Variants in RSF1 observed in about 807,000 individuals in gnomAD.
RSF1 encodes the protein remodeling and spacing factor 1.
Under a neutral mutation model 145.2 loss-of-function variants are expected in RSF1, and 13 were observed. That is an observed-to-expected ratio of 0.09 (90% CI 0.06 to 0.14). The LOEUF is 0.14. Among genes scored for constraint, RSF1 ranks in the 10% least tolerant of loss-of-function variants. RSF1 has a pLI of 1.00. For synonymous variants in RSF1, 577 were observed against 592.6 expected (o/e 0.97, Z 0.38); for missense variants, 1,517 against 1,718.2 (o/e 0.88, Z 2.07).
chr11:77,705,445 C>T lies in RSF1; in HGVS notation c.734-2950G>A, dbSNP rs12786719. 6.4e-3 allele frequency among the ~76,000 whole-genome samples: 982 copies of T among 152,304 alleles called. 1 individual carries two copies. The highest frequency in any genetic ancestry group is 0.012 in the Admixed American group (177 of 15,302). On this transcript the variant is annotated intron_variant, in intron 5 of 15. Transcript: ENST00000308488. ...GATCACTTATTATGTGCTTTCTCCA[C>T]CACCCCTAGCAGAATCACTCTGTAA...
At chr11:77,872,071 G>T in the RSF1 span, 5 of 1,266,928 alleles carry the variant, frequency 3.9e-6, no homozygotes, top group Non-Finnish European at 5.3e-6. Context: ...GTGAAGTGAC[G>T]ATTGTCACTG....
At chr11:77,823,108 G>C (rs1218369744), upstream of RSF1, among the ~76,000 whole-genome samples, 1 of 151,506 alleles carries the variant, frequency 6.6e-6, no homozygotes, top group Non-Finnish European at 1.5e-5. Flanking sequence ...ACAGCTACTC[G>C]GGAGGCTGAG....
chr11:77,871,825 G>A, the RSF1 span, among the ~76,000 whole-genome samples: 1 of 152,162 alleles, frequency 6.6e-6, no homozygotes, highest in Non-Finnish European at 1.5e-5. Flanking sequence ...AACCCTAGGT[G>A]TTAATGTCCC....
At chr11:77,775,172 C>T (rs565813186) in intron 1 of RSF1, among the ~76,000 whole-genome samples, 5 of 150,744 alleles carry the variant, frequency 3.3e-5, no homozygotes, top group East Asian at 2.0e-4. Context: ...CTCTTGAACC[C>T]GGGAGGCAGA....
intron 2 of RSF1, among the ~76,000 whole-genome samples, chr11:77,755,987 CAAAG>C (rs1948111902): frequency 6.6e-6 from 1 of 152,048 alleles, no homozygotes; most frequent in Admixed American, 6.6e-5. Flanking sequence ...GAAAGACATA[CAAAG>C]GTATTGTTTT....
rs1204225421 is a variant in RSF1 at position 77,664,868 on chromosome 11, G to GT, written c.*2048dup. ...CAGCCCTGCTTTACTGTCTGTGAAT[G>GT]TAAGCCCTTCCCTCCCTTCCAGTGG... On this transcript the variant is annotated 3_prime_UTR_variant, in exon 16 of 16. Transcript: ENST00000308488. 1.5e-4 allele frequency: 23 copies of GT among 152,352 alleles called. No individual in the cohort carries two copies. The allele number at this position is 152,352 out of a possible 1,614,324, so 9.4% of individuals were successfully genotyped here.
In RSF1 at chr11:77,757,783, A is replaced by AT. The variant is rs557244238; in HGVS notation, c.279+6814dup. 2.9e-3 allele frequency among the ~76,000 whole-genome samples: 437 copies of AT among 152,342 alleles called. 5 individuals are homozygous for AT. The highest frequency in any genetic ancestry group is 0.01 in the African/African-American group (420 of 41,580). On this transcript the variant is annotated intron_variant, in intron 2 of 15. Transcript: ENST00000308488. Reference sequence around the variant, plus strand: ...AGGAGAACAACTAAAGCCAGTTGTAATAATTCAAAGGAAAGGTAATGAAGC... The same window carrying AT: ...AGGAGAACAACTAAAGCCAGTTGTAATTAATTCAAAGGAAAGGTAATGAAGC...
chr11:77,819,825 C>A (rs57222975), intron 1 of RSF1, among the ~76,000 whole-genome samples: 26,801 of 151,840 alleles, frequency 0.18, 2,956 homozygotes, highest in African/African-American at 0.29. Flanking sequence ...CTCCTCTCCA[C>A]AGTGGAGCTG....
chr11:77,868,178 C>G, the RSF1 span, among the ~76,000 whole-genome samples: 2 of 151,290 alleles, frequency 1.3e-5, no homozygotes, highest in African/African-American at 2.4e-5. Context: ...GCCTCAGCCT[C>G]CCGAGTAGCT....
At chr11:77,863,877 TA>T in the RSF1 span, among the ~76,000 whole-genome samples, 4 of 152,172 alleles carry the variant, frequency 2.6e-5, no homozygotes, top group Non-Finnish European at 5.9e-5. Context: ...ATTAAAATTT[TA>T]AAGTCAGCAA....
rs373985727 is a variant in RSF1 at position 77,675,178 on chromosome 11, G to A, written c.3420C>T (p.Asp1140=). The change falls in exon 14 of 16, where the codon GAC becomes GAT. Residue 1140 remains aspartate, a synonymous_variant. Coordinates refer to ENST00000308488, the MANE Select transcript of RSF1 (RefSeq NM_016578.4). The part of the protein sequence containing the change: ...EEDPPSNDDS[D]TDFCSRRLRR... The stretch of plus-strand genomic sequence containing the variant: ...TCAGTCTACGGCTACAAAAGTCAGT[G>A]TCACTGTCATCATTAGATGGCGGAT... 9 of 1,613,984 alleles carry A rather than the reference G, an allele frequency of 5.6e-6. No homozygotes were observed. The African/African-American group carries it at 1.2e-4, about 22-fold the overall frequency.
At chr11:77,816,673 A>C (rs1436418887) in intron 1 of RSF1, among the ~76,000 whole-genome samples, 1 of 152,222 alleles carries the variant, frequency 6.6e-6, no homozygotes, top group African/African-American at 2.4e-5. Context: ...CCTCTTGAAA[A>C]GAAATATTCT....
At chr11:77,814,855 C>T (rs1031091888) in intron 1 of RSF1, among the ~76,000 whole-genome samples, 7 of 152,084 alleles carry the variant, frequency 4.6e-5, no homozygotes, top group African/African-American at 1.7e-4. Context: ...TATTGTGGTT[C>T]AATTGTTTAG....
chr11:77,685,226 G>A (rs1326869935), intron 9 of RSF1, 67 bp from the exon 10 acceptor site: 8 of 841,566 alleles, frequency 9.5e-6, no homozygotes, highest in East Asian at 2.7e-5. Flanking sequence ...TAAACATCAC[G>A]AATACACATA....
chr11:77,774,349 T>A (rs1272408537), intron 1 of RSF1, among the ~76,000 whole-genome samples: 2 of 152,074 alleles, frequency 1.3e-5, no homozygotes, highest in African/African-American at 4.8e-5. Flanking sequence ...ACGCCTGTAA[T>A]CCCAGCACTT....
intron 4 of RSF1, among the ~76,000 whole-genome samples, chr11:77,728,433 T>C (rs1961110370): frequency 6.6e-6 from 1 of 151,918 alleles, no homozygotes; most frequent in African/African-American, 2.4e-5. Flanking sequence ...CCCAGCACTT[T>C]GGAGGGCGAG....
rs1449348837 is a variant in RSF1, at chr11:77,725,683, C to A, written c.595G>T (p.Ala199Ser). Residue 199 changes from alanine (A) to serine (S), a missense_variant, in exon 5 of 16, where the codon GCT (alanine) becomes TCT (serine). Ala to Ser is a moderately conservative substitution (Grantham distance 99). Coordinates refer to ENST00000308488, the MANE Select transcript of RSF1 (RefSeq NM_016578.4). ...GCTTTCAGGAGTGCAAGAGTCTCAG[C>A]CAACTCGTTTCGATTTCTAAACAAG... ...KCIVRNRNELAETLALLKAQI... is the reference protein window; with the variant it reads ...KCIVRNRNELSETLALLKAQI... The A allele has an allele frequency of 3.2e-6, 5 of 1,571,832 alleles. No individual in the cohort carries two copies. Among genetic ancestry groups the A allele is most frequent in the African/African-American group, 1.4e-5 (1 of 73,070 alleles).
At chr11:77,781,120 A>C (rs1388355646) in intron 1 of RSF1, among the ~76,000 whole-genome samples, 1 of 151,020 alleles carries the variant, frequency 6.6e-6, no homozygotes, top group African/African-American at 2.4e-5. Flanking sequence ...TTTTTGAGAG[A>C]GAGAGAATCT....
chr11:77,766,366 T>C (rs537393369), intron 1 of RSF1, among the ~76,000 whole-genome samples: 6 of 152,314 alleles, frequency 3.9e-5, no homozygotes, highest in South Asian at 2.1e-4. Flanking sequence ...CCTTCTGAAT[T>C]TGAAACAACA....
Sources: gnomAD v4.1 joint callset for allele counts (sites outside exome capture counted in the v4.1 genomes callset) on GRCh38, gnomAD v4.1.1 for gene constraint, MANE v1.5 for transcripts, NCBI Gene and HGNC (gene_info 2026-07-23, HGNC 2026-07-21) for gene names.